The following CDH17 variants were observed in gnomAD, a reference collection of about 807,000 sequenced individuals.
CDH17 encodes cadherin 17, also known as cadherin-17.
Under a neutral mutation model 86.3 loss-of-function variants are expected in CDH17, and 67 were observed. The observed-to-expected ratio is 0.78, with a 90% CI of 0.64 to 0.95. The LOEUF (loss-of-function observed/expected upper bound fraction) is 0.95. CDH17 is among the 40% of genes least tolerant of loss of function. CDH17 has a pLI of 0.00. For missense variants in CDH17, 993 were observed against 1,017.6 expected, an observed-to-expected ratio of 0.98 and a Z score of 0.33; for synonymous variants, 367 against 366.4, an observed-to-expected ratio of 1.00 and a Z score of -0.02.
chr8:94,152,809 C>T (rs1371851330), intron 12 of CDH17, among the ~76,000 whole-genome samples: 1 of 152,066 alleles, frequency 6.6e-6, no homozygotes, highest in Non-Finnish European at 1.5e-5. Context: ...AAGGGCAAAC[C>T]ATCTCACGAG....
chr8:94,194,350 CTGAGCTATAGAT>C (rs1176911239), intron 2 of CDH17, among the ~76,000 whole-genome samples: 1 of 152,184 alleles, frequency 6.6e-6, no homozygotes, highest in Non-Finnish European at 1.5e-5. Context: ...TTCAGATTCC[CTGAGCTATAGAT>C]AGATTTGTTT....
chr8:94,144,316 C>T (rs1812695619), intron 15 of CDH17, among the ~76,000 whole-genome samples: 1 of 152,112 alleles, frequency 6.6e-6, no homozygotes, highest in African/African-American at 2.4e-5. Context: ...ATAATAATAA[C>T]ATCAAAGATC....
chr8:94,180,943 C>CAAAA (rs59930370), intron 3 of CDH17, among the ~76,000 whole-genome samples: 1 of 69,782 alleles, frequency 1.4e-5, no homozygotes, highest in Non-Finnish European at 3.2e-5. Flanking sequence ...ACAAACAAAC[C>CAAAA]AAAAAAAAAA....
At chr8:94,183,395 A>G (rs922935326) in intron 3 of CDH17, among the ~76,000 whole-genome samples, 10 of 152,170 alleles carry the variant, frequency 6.6e-5, no homozygotes, top group African/African-American at 9.6e-5. Context: ...ATATAGATCA[A>G]TGGAATCATA....
intron 12 of CDH17, among the ~76,000 whole-genome samples, chr8:94,153,330 C>T (rs1324594454): frequency 6.6e-6 from 1 of 152,146 alleles, no homozygotes; most frequent in East Asian, 1.9e-4. Context: ...TACCTCACAC[C>T]TGTTAGAATG....
chr8:94,156,848 C>A (rs1031446879), intron 12 of CDH17, among the ~76,000 whole-genome samples: 1 of 152,160 alleles, frequency 6.6e-6, no homozygotes, highest in South Asian at 2.1e-4. Flanking sequence ...GCATTTAATT[C>A]TTCAACATCC....
At chr8:94,214,460 C>A (rs1318203949) in intron 1 of CDH17, among the ~76,000 whole-genome samples, 1 of 152,102 alleles carries the variant, frequency 6.6e-6, no homozygotes, top group Non-Finnish European at 1.5e-5. Context: ...ACATGCAAAA[C>A]AATGAAACTG....
At chr8:94,191,851 T>C (rs1373759777) in intron 2 of CDH17, among the ~76,000 whole-genome samples, 1 of 152,216 alleles carries the variant, frequency 6.6e-6, no homozygotes, top group Non-Finnish European at 1.5e-5. Context: ...CTTCATCCCT[T>C]TCACTCCTTT....
chr8:94,191,922 C>T (rs574841767), intron 2 of CDH17, among the ~76,000 whole-genome samples: 4 of 152,332 alleles, frequency 2.6e-5, no homozygotes, highest in African/African-American at 7.2e-5. Flanking sequence ...ACTGGGTGTG[C>T]AGGACAGATG....
At chr8:94,135,563 A>T (rs1001755253) in intron 15 of CDH17, among the ~76,000 whole-genome samples, 5 of 152,090 alleles carry the variant, frequency 3.3e-5, no homozygotes, top group African/African-American at 4.8e-5. Context: ...TGCACGTGAG[A>T]TGGGTCTCCC....
intron 9 of CDH17, 39 bp from the exon 10 acceptor site, chr8:94,166,015 C>A (rs755988919): frequency 8.2e-7 from 1 of 1,224,586 alleles, no homozygotes; most frequent in African/African-American, 1.5e-5. Context: ...CCATTACAGG[C>A]TCCACATAAT....
At chr8:94,143,226 C>T (rs1474094459) in intron 15 of CDH17, among the ~76,000 whole-genome samples, 1 of 152,188 alleles carries the variant, frequency 6.6e-6, no homozygotes, top group African/African-American at 2.4e-5. Context: ...TACATCTCCA[C>T]CAGAGCTCTT....
chr8:94,150,777 T>C (rs1195356186), intron 13 of CDH17, among the ~76,000 whole-genome samples: 2 of 152,222 alleles, frequency 1.3e-5, no homozygotes, highest in African/African-American at 4.8e-5. Flanking sequence ...TTATAGCATT[T>C]TCATGAAGAA....
intron 17 of CDH17, among the ~76,000 whole-genome samples, chr8:94,129,582 A>T (rs1391061791): frequency 2.6e-5 from 4 of 152,210 alleles, no homozygotes; most frequent in Admixed American, 2.0e-4. Context: ...AAGAAAAAGG[A>T]TATGAAACCA....
chr8:94,153,171 T>A (rs980434734), intron 12 of CDH17, among the ~76,000 whole-genome samples: 3 of 152,098 alleles, frequency 2.0e-5, no homozygotes, highest in African/African-American at 7.2e-5. Flanking sequence ...AACAACTCAG[T>A]AGCAAGAAAA....
intron 12 of CDH17, among the ~76,000 whole-genome samples, chr8:94,157,660 T>C (rs1237887727): frequency 2.0e-5 from 3 of 152,340 alleles, no homozygotes; most frequent in Non-Finnish European, 4.4e-5. Flanking sequence ...CAAACACCTG[T>C]GATCCCAGCA....
At chr8:94,168,918 C>T (rs185850328) in intron 9 of CDH17, among the ~76,000 whole-genome samples, 3 of 152,232 alleles carry the variant, frequency 2.0e-5, no homozygotes, top group Non-Finnish European at 2.9e-5. Flanking sequence ...CCTGTCCTTT[C>T]CTGCTCTGCC....
chr8:94,197,145 C>G (rs1017369412), intron 1 of CDH17: 15 of 152,270 alleles, frequency 9.9e-5, no homozygotes, highest in African/African-American at 3.6e-4. Flanking sequence ...CTCTTAAACT[C>G]ACTTCTTGTT....
At position 94,165,749 on chromosome 8, in the gene CDH17, T is replaced by C. The variant is rs1457201854; in HGVS notation, c.1282+12A>G. ...AATGATTTGCACTCAAGACGGTGGA[T>C]ATGATACTAACCTTTGTCAGACACC... On this transcript the variant is annotated intron_variant, in intron 10 of 17. Coordinates refer to ENST00000027335, the MANE Select transcript of CDH17 (RefSeq NM_004063.4). The C allele has an allele frequency of 1.3e-6, 2 of 1,557,044 alleles. No individual in the cohort carries two copies. Among genetic ancestry groups the C allele is most frequent in the African/African-American group, 2.7e-5 (2 of 73,768 alleles).
Sources: allele counts gnomAD v4.1 joint callset (sites outside exome capture counted in the v4.1 genomes callset), GRCh38; gene constraint gnomAD v4.1.1; transcripts MANE v1.5; gene names NCBI Gene and HGNC (gene_info 2026-07-23, HGNC 2026-07-21).